Variants in CTNNA3 observed in about 807,000 individuals in gnomAD.
CTNNA3 encodes catenin alpha-3.
Under a neutral mutation model 95.7 loss-of-function variants are expected in CTNNA3, and 76 were observed. The ratio of observed to expected loss-of-function variants is 0.79; its 90% CI spans 0.66 to 0.96. CTNNA3 has a LOEUF of 0.96. Ranked by LOEUF, CTNNA3 falls within the 40% of genes least tolerant of loss-of-function variation. The pLI, the probability that CTNNA3 is intolerant of heterozygous loss-of-function variation, is 0.00. For synonymous variants in CTNNA3, 431 were observed against 374.4 expected (o/e 1.15, Z -1.74); for missense variants, 1,191 against 1,089.8 (o/e 1.09, Z -1.31).
At chr10:66,640,271 A>G (rs975093958) in intron 9 of CTNNA3, among the ~76,000 whole-genome samples, 7 of 152,074 alleles carry the variant, frequency 4.6e-5, no homozygotes, top group African/African-American at 1.7e-4. Context: ...ACTGCTATTG[A>G]CCACTCATGG....
chr10:67,700,340 C>T (rs537591441), upstream of CTNNA3, among the ~76,000 whole-genome samples: 5 of 152,176 alleles, frequency 3.3e-5, no homozygotes, highest in Admixed American at 6.5e-5. Context: ...GTCCCTGACC[C>T]CTTGACCCCC....
chr10:66,801,645 T>C (rs1403798991), intron 7 of CTNNA3, among the ~76,000 whole-genome samples: 5 of 151,678 alleles, frequency 3.3e-5, no homozygotes, highest in African/African-American at 1.2e-4. Flanking sequence ...ATGCATGTAT[T>C]GAAAATGTAA....
chr10:66,355,096 A>C (rs370521725), intron 12 of CTNNA3, among the ~76,000 whole-genome samples: 46 of 152,158 alleles, frequency 3.0e-4, no homozygotes, highest in Non-Finnish European at 3.5e-4. Context: ...TCATCATCAA[A>C]CATACCTGAG....
chr10:66,384,528 T>A (rs1270937054), intron 11 of CTNNA3, among the ~76,000 whole-genome samples: 1 of 152,132 alleles, frequency 6.6e-6, no homozygotes, highest in East Asian at 1.9e-4. Context: ...ATTACACAGA[T>A]CAATGAGACA....
chr10:66,740,708 C>T (rs532260527), intron 9 of CTNNA3, among the ~76,000 whole-genome samples: 2 of 152,274 alleles, frequency 1.3e-5, no homozygotes, highest in East Asian at 3.9e-4. Flanking sequence ...GCCTCTCTTT[C>T]TGCCATTACA....
chr10:66,954,882 C>T (rs1848709313), intron 7 of CTNNA3, among the ~76,000 whole-genome samples: 3 of 152,046 alleles, frequency 2.0e-5, no homozygotes, highest in Non-Finnish European at 4.4e-5. Context: ...TGGATTCTGG[C>T]CTAAACACTG....
At chr10:67,062,428 T>G (rs1421064959) in intron 7 of CTNNA3, among the ~76,000 whole-genome samples, 6 of 152,216 alleles carry the variant, frequency 3.9e-5, no homozygotes, top group Non-Finnish European at 5.9e-5. Flanking sequence ...TTTAGCATTA[T>G]CTCTTAAGTA....
At chr10:67,292,886 G>A (rs549097702) in intron 5 of CTNNA3, among the ~76,000 whole-genome samples, 1 of 152,072 alleles carries the variant, frequency 6.6e-6, no homozygotes, top group Admixed American at 6.6e-5. Context: ...AATGTTTTCT[G>A]GTAACTCTAA....
At chr10:67,360,561 CT>C (rs1296317474) in intron 5 of CTNNA3, among the ~76,000 whole-genome samples, 1 of 151,990 alleles carries the variant, frequency 6.6e-6, no homozygotes, top group African/African-American at 2.4e-5. Flanking sequence ...ATACCTGAGA[CT>C]GGGTAATTTA....
At chr10:67,435,045 C>A (rs1175763265) in intron 5 of CTNNA3, among the ~76,000 whole-genome samples, 1 of 152,020 alleles carries the variant, frequency 6.6e-6, no homozygotes, top group Non-Finnish European at 1.5e-5. Flanking sequence ...GCTCCATGTT[C>A]TACAATTTAC....
intron 9 of CTNNA3, among the ~76,000 whole-genome samples, chr10:66,631,718 T>A (rs1006934876): frequency 6.6e-5 from 10 of 151,944 alleles, no homozygotes; most frequent in East Asian, 5.8e-4. Flanking sequence ...TAAGTGAGGT[T>A]AATCAATATT....
At chr10:67,566,460 A>C (rs933638039) in intron 3 of CTNNA3, among the ~76,000 whole-genome samples, 2 of 152,048 alleles carry the variant, frequency 1.3e-5, no homozygotes, top group Non-Finnish European at 1.5e-5. Flanking sequence ...GCAAATCAAA[A>C]CCACAATGAG....
chr10:66,766,314 T>A lies in CTNNA3; in HGVS notation c.1231A>T (p.Ile411Leu). ...EAAKNGREKE[I>L]KEYAAIFHEH... ...TGAAATATCGCAGCATATTCTTTTA[T>A]TTCCTTTTCCCGGCCATTCTTAGCA... The change falls in exon 9 of 18, where the codon ATA (isoleucine) becomes TTA (leucine). Residue 411 changes from isoleucine to leucine, a missense_variant. Transcript: ENST00000433211. 1 of 1,613,968 alleles carries A rather than the reference T, an allele frequency of 6.2e-7. No individual in the cohort carries two copies. The highest frequency in any genetic ancestry group is 2.2e-5 in the East Asian group (1 of 44,860).
chr10:67,684,870 C>A (rs758757346), intron 1 of CTNNA3, among the ~76,000 whole-genome samples: 21 of 152,284 alleles, frequency 1.4e-4, no homozygotes, highest in Middle Eastern at 3.4e-3. Context: ...TTGCCCAACT[C>A]CAGAGGTTGG....
chr10:67,290,970 G>C (rs1327980805), intron 5 of CTNNA3, among the ~76,000 whole-genome samples: 1 of 152,024 alleles, frequency 6.6e-6, no homozygotes, highest in Non-Finnish European at 1.5e-5. Flanking sequence ...TTGCTTATTT[G>C]TTCACCCTTT....
At chr10:66,697,022 T>C (rs1335138568) in intron 9 of CTNNA3, among the ~76,000 whole-genome samples, 2 of 152,044 alleles carry the variant, frequency 1.3e-5, no homozygotes, top group Non-Finnish European at 2.9e-5. Context: ...TCAGTAATTT[T>C]TGAACGCTCT....
intron 7 of CTNNA3, among the ~76,000 whole-genome samples, chr10:67,094,868 G>A (rs996647923): frequency 2.6e-5 from 4 of 151,426 alleles, no homozygotes; most frequent in African/African-American, 9.7e-5. Context: ...TATATCCATA[G>A]GTATGTATAC....
intron 6 of CTNNA3, among the ~76,000 whole-genome samples, chr10:67,189,243 C>T (rs1175316452): frequency 1.3e-5 from 2 of 152,000 alleles, no homozygotes; most frequent in Admixed American, 1.3e-4. Flanking sequence ...ACAAATACCA[C>T]ATGATCTCAC....
chr10:66,274,088 A>C (rs1173262955), intron 13 of CTNNA3, among the ~76,000 whole-genome samples: 2 of 152,188 alleles, frequency 1.3e-5, no homozygotes, highest in Non-Finnish European at 2.9e-5. Context: ...TCTCTAAGGC[A>C]AGGTTAGTAA....
Sources: gnomAD v4.1 joint callset for allele counts (sites outside exome capture counted in the v4.1 genomes callset) on GRCh38, gnomAD v4.1.1 for gene constraint, MANE v1.5 for transcripts, NCBI Gene and HGNC (gene_info 2026-07-23, HGNC 2026-07-21) for gene names.